Variants in IQSEC3 observed in about 807,000 individuals in gnomAD.
The protein encoded by IQSEC3 is IQ motif and SEC7 domain-containing protein 3.
In IQSEC3, 50 loss-of-function variants were observed where a neutral mutation model predicts 105.4. The ratio of observed to expected loss-of-function variants is 0.47; its 90% CI spans 0.38 to 0.60. The LOEUF (loss-of-function observed/expected upper bound fraction) is 0.60. Among genes scored for constraint, IQSEC3 ranks in the 20% least tolerant of loss-of-function variants. The pLI, the probability that IQSEC3 is intolerant of heterozygous loss-of-function variation, is 0.00. For synonymous variants in IQSEC3, 708 were observed against 746.0 expected, an observed-to-expected ratio of 0.95 and a Z score of 0.83; for missense variants, 1,415 against 1,630.0, an observed-to-expected ratio of 0.87 and a Z score of 2.27.
rs1555088086 is a variant in IQSEC3 at position 139,057 on chromosome 12, G to C, written c.1694G>C (p.Gly565Ala). 6.7e-7 allele frequency: 1 copy of C among 1,484,980 alleles called. No individual in the cohort carries two copies. Among genetic ancestry groups the C allele is most frequent in the African/African-American group, 1.4e-5 (1 of 71,426 alleles). The allele number at this position is 1,484,980 out of a possible 1,614,324, so 92.0% of individuals were successfully genotyped here. The change falls in exon 4 of 14, where the codon GGG (glycine) becomes GCG (alanine). Residue 565 changes from glycine to alanine, a missense_variant. Transcript: ENST00000538872. Reference protein sequence around the residue: ...AEAAASGAADGATAPKTEEEE... With the variant: ...AEAAASGAADAATAPKTEEEE... ...GCTGCGGCTAGTGGGGCGGCGGATG[G>C]GGCCACAGCCCCCAAAACAGAGGAG...
intron 5 of IQSEC3, among the ~76,000 whole-genome samples, chr12:146,595 G>A (rs1280285158): frequency 6.6e-6 from 1 of 152,092 alleles, no homozygotes; most frequent in African/African-American, 2.4e-5. Context: ...GCAGTGAGTT[G>A]TGACCGTGCC....
chr12:126,194 C>T (rs1251713652), intron 3 of IQSEC3, among the ~76,000 whole-genome samples: 2 of 152,240 alleles, frequency 1.3e-5, no homozygotes, highest in Non-Finnish European at 2.9e-5. Flanking sequence ...CCTCCACCGC[C>T]CCACTGACCA....
chr12:172,609 GCT>G (rs1555100690), intron 13 of IQSEC3, among the ~76,000 whole-genome samples: 1 of 152,142 alleles, frequency 6.6e-6, no homozygotes, highest in Non-Finnish European at 1.5e-5. Flanking sequence ...TGGACCCCAG[GCT>G]CTCTCTCCTC....
intron 8 of IQSEC3, among the ~76,000 whole-genome samples, chr12:162,679 C>T (rs1866949243): frequency 6.6e-6 from 1 of 152,194 alleles, no homozygotes; most frequent in East Asian, 1.9e-4. Context: ...TCCTCCCAGT[C>T]TGTGCAGGGA....
At position 139,460 on chromosome 12, in the gene IQSEC3, G is replaced by A. The variant is rs529754324; in HGVS notation, c.1991+106G>A. The A allele has an allele frequency of 1.7e-5, 16 of 920,594 alleles. No homozygotes were observed. In the South Asian group the frequency reaches 2.3e-4, roughly 13 times the overall value. The allele number at this position is 920,594 out of a possible 1,614,324, so 57.0% of individuals were successfully genotyped here. ...AGCAGGGCGCCAGGTAACTTCCCAC[G>A]TCATGCCAGGGTCCTCCAGGCAGGC... is the stretch of plus-strand genomic sequence containing the variant. On this transcript the variant is annotated intron_variant, in intron 4 of 13. Coordinates refer to ENST00000538872, the MANE Select transcript of IQSEC3 (RefSeq NM_001170738.2).
chr12:168,783 C>T lies in IQSEC3; in HGVS notation c.2972-230C>T, dbSNP rs148078797. Among the ~76,000 whole-genome samples, 42 of 152,276 alleles carry T rather than the reference C, an allele frequency of 2.8e-4. No individual in the cohort carries two copies. In the East Asian group the frequency reaches 5.2e-3, roughly 19 times the overall value. On this transcript the variant is annotated intron_variant, in intron 11 of 13. Transcript: ENST00000538872. ...ATCGGCCTCTTCTGTGCCTCTCTGA[C>T]GTTCAAGCAGATAGGATCATCCCCA... is the stretch of plus-strand genomic sequence containing the variant.
At chr12:148,955 AAAG>A (rs1555091834) in intron 5 of IQSEC3, 1 of 152,146 alleles carries the variant, frequency 6.6e-6, no homozygotes, top group East Asian at 1.9e-4. Flanking sequence ...TAAAAAAAAA[AAAG>A]AAGGTTGAGA....
rs1215680488 is a variant in IQSEC3, at chr12:169,027, C to G, written c.2986C>G (p.Gln996Glu). The change falls in exon 12 of 14, where the codon CAG (glutamine) becomes GAG (glutamate). Residue 996 changes from glutamine (Q) to glutamate (E), a missense_variant. By Grantham distance (29) the Gln-to-Glu change is conservative. This residue lies in a region of IQSEC3 where 419 missense variants were observed against 436.2 expected (regional missense o/e 0.96). Coordinates refer to ENST00000538872, the MANE Select transcript of IQSEC3 (RefSeq NM_001170738.2). ...GCATTCCTTAGGGGAGCTGGAGAAG[C>G]AGCAGGGAACAAAGACACTCTCCTT... Reference protein sequence around the residue: ...QIRIEWELEKQQGTKTLSFKP... With the variant: ...QIRIEWELEKEQGTKTLSFKP... 3 of 1,614,052 alleles carry G rather than the reference C, an allele frequency of 1.9e-6. No individual in the cohort carries two copies. The highest frequency in any genetic ancestry group is 2.5e-6 in the Non-Finnish European group (3 of 1,179,978).
At chr12:136,926 T>C (rs1485900280) in intron 3 of IQSEC3, among the ~76,000 whole-genome samples, 2 of 151,986 alleles carry the variant, frequency 1.3e-5, no homozygotes, top group Non-Finnish European at 2.9e-5. Context: ...CGTAGCAACC[T>C]GAGAGGAGAA....
At chr12:93,447 G>A (rs1864154049) in intron 1 of IQSEC3, among the ~76,000 whole-genome samples, 1 of 152,170 alleles carries the variant, frequency 6.6e-6, no homozygotes, top group Admixed American at 6.5e-5. Context: ...AGCCCCTGGT[G>A]TCCAGTGTCC....
chr12:171,048 A>G, intron 12 of IQSEC3, 64 bp from the exon 13 acceptor site: 1 of 1,594,882 alleles, frequency 6.3e-7, no homozygotes, highest in Non-Finnish European at 8.6e-7. Context: ...TGAGGGGCAC[A>G]GGGGAGGGGC....
intron 2 of IQSEC3, among the ~76,000 whole-genome samples, chr12:123,880 G>C (rs1555082461): frequency 6.6e-6 from 1 of 152,160 alleles, no homozygotes; most frequent in Non-Finnish European, 1.5e-5. Context: ...AGGTTGGGAG[G>C]CTGCATTAGA....
chr12:166,258 T>C, intron 11 of IQSEC3: 1 of 257,044 alleles, frequency 3.9e-6, no homozygotes, highest in Admixed American at 4.9e-5. Context: ...TGCTGTCACC[T>C]CCCCCACTGT....
intron 5 of IQSEC3, chr12:142,043 GC>G (rs1866051281): frequency 6.6e-6 from 1 of 152,284 alleles, no homozygotes; most frequent in Non-Finnish European, 1.5e-5. Flanking sequence ...CCCCTGCCAT[GC>G]CCCCGTGCTC....
chr12:156,994 C>A, intron 5 of IQSEC3, 31 bp from the exon 6 acceptor site: 1 of 1,552,778 alleles, frequency 6.4e-7, no homozygotes. Context: ...AGGGTGCCAC[C>A]TGACCTCACA....
At chr12:109,930 C>T (rs1555079131) in intron 2 of IQSEC3, among the ~76,000 whole-genome samples, 1 of 152,162 alleles carries the variant, frequency 6.6e-6, no homozygotes, top group African/African-American at 2.4e-5. Flanking sequence ...TGGGCACAAG[C>T]TAAACTGTGC....
intron 3 of IQSEC3, among the ~76,000 whole-genome samples, chr12:127,934 G>A (rs1450314079): frequency 2.0e-5 from 3 of 152,140 alleles, no homozygotes; most frequent in Non-Finnish European, 4.4e-5. Flanking sequence ...CACATCTATA[G>A]GAGACTGAAC....
At chr12:71,573 G>C (rs1591621049) in intron 1 of IQSEC3, among the ~76,000 whole-genome samples, 1 of 152,274 alleles carries the variant, frequency 6.6e-6, no homozygotes, top group African/African-American at 2.4e-5. Context: ...TAAGAGGCAA[G>C]GATAGCTGGA....
chr12:147,603 A>G (rs909707782), intron 5 of IQSEC3, among the ~76,000 whole-genome samples: 1 of 152,150 alleles, frequency 6.6e-6, no homozygotes, highest in African/African-American at 2.4e-5. Context: ...GTCCCCCATC[A>G]TGAATCATGA....
Sources: gnomAD v4.1 joint callset for allele counts (sites outside exome capture counted in the v4.1 genomes callset) on GRCh38, gnomAD v4.1.1 for gene constraint, gnomAD v4.1.1 regional missense constraint, MANE v1.5 for transcripts, NCBI Gene and HGNC (gene_info 2026-07-23, HGNC 2026-07-21) for gene names.